SLC38A6: variants seen among roughly 807,000 people sequenced by gnomAD.
The protein encoded by SLC38A6 is solute carrier family 38 member 6, also known as N system amino acid transporter NAT-1.
SLC38A6 carries 73 observed loss-of-function variants against 65.0 expected under a neutral mutation model. The ratio of observed to expected loss-of-function variants is 1.12; its 90% CI spans 0.93 to 1.37. The LOEUF (loss-of-function observed/expected upper bound fraction) is 1.37. Ranked by LOEUF, SLC38A6 falls within the 40% of genes most tolerant of loss-of-function variation. The pLI is 0.00. For missense variants in SLC38A6, 561 were observed against 531.1 expected (o/e 1.06, Z -0.55); for synonymous variants, 183 against 178.8 (o/e 1.02, Z -0.19).
At chr14:60,991,717 TA>T (rs2037903984) in intron 3 of SLC38A6, among the ~76,000 whole-genome samples, 1 of 152,212 alleles carries the variant, frequency 6.6e-6, no homozygotes, top group Admixed American at 6.5e-5. Context: ...GAGGTCTTTT[TA>T]TACAATCTCA....
intron 15 of SLC38A6, among the ~76,000 whole-genome samples, chr14:61,072,540 C>G (rs565871782): frequency 6.6e-6 from 1 of 152,308 alleles, no homozygotes; most frequent in South Asian, 2.1e-4. Context: ...CAACCCTTGT[C>G]AGCCTCTGGT....
chr14:61,001,899 T>G (rs552102645), intron 3 of SLC38A6: 1 of 152,340 alleles, frequency 6.6e-6, no homozygotes, highest in Non-Finnish European at 1.5e-5. Context: ...GCCTTTATTA[T>G]ACTAGCGCTT....
chr14:61,075,823 G>GTGTGTGTGTGTGTA (rs2043390509), intron 15 of SLC38A6, among the ~76,000 whole-genome samples: 3 of 143,132 alleles, frequency 2.1e-5, no homozygotes, highest in Non-Finnish European at 4.6e-5. Flanking sequence ...GTGTGTGTGT[G>GTGTGTGTGTGTGTA]TGTGTGTGTA....
chr14:60,981,573 G>A (rs1012685904), intron 1 of SLC38A6, 191 bp downstream of exon 1: 77 of 1,523,822 alleles, frequency 5.1e-5, no homozygotes, highest in Non-Finnish European at 6.6e-5. Context: ...CGTGATAGCA[G>A]CCTAGCATAC....
At chr14:61,000,172 A>T (rs181856145) in intron 3 of SLC38A6, among the ~76,000 whole-genome samples, 87 of 152,362 alleles carry the variant, frequency 5.7e-4, no homozygotes, top group East Asian at 5.0e-3. Flanking sequence ...TCAAACCATT[A>T]ACCAATGTTT....
intron 6 of SLC38A6, among the ~76,000 whole-genome samples, chr14:61,035,200 T>C (rs565178663): frequency 1.3e-5 from 2 of 152,294 alleles, no homozygotes; most frequent in East Asian, 3.9e-4. Context: ...GTGTATACAC[T>C]TAAGTGTAAA....
At chr14:61,053,644 C>T (rs528716348), downstream of SLC38A6, among the ~76,000 whole-genome samples, 2 of 152,172 alleles carry the variant, frequency 1.3e-5, no homozygotes, top group East Asian at 3.9e-4. Context: ...ATCAGTGCTA[C>T]TGAGCTTTCT....
chr14:61,050,569 T>C lies in SLC38A6; in HGVS notation c.983T>C (p.Val328Ala), dbSNP rs2042450146. 3 of 1,596,634 alleles carry C rather than the reference T, an allele frequency of 1.9e-6. No individual in the cohort carries two copies. In the South Asian group the frequency reaches 3.4e-5, roughly 18 times the overall value. The change falls in exon 13 of 16, where the codon GTT becomes GCT. Residue 328 changes from valine (V) to alanine (A), a missense_variant. Coordinates refer to ENST00000267488, the MANE Select transcript of SLC38A6 (RefSeq NM_153811.3). ...AGTAAATACTTATCACATGATGTTG[T>C]TGTCATGACTGTGAAGTTATGCATA... ...GYSKYLSHDV[V>A]VMTVKLCILF...
chr14:61,068,955 T>C (rs1277175561), intron 15 of SLC38A6, among the ~76,000 whole-genome samples: 2 of 152,198 alleles, frequency 1.3e-5, no homozygotes, highest in Admixed American at 1.3e-4. Context: ...GCTTTTATGC[T>C]GACCCAGCCT....
At chr14:61,009,798 T>C (rs2039419460) in intron 3 of SLC38A6, among the ~76,000 whole-genome samples, 1 of 152,262 alleles carries the variant, frequency 6.6e-6, no homozygotes, top group Non-Finnish European at 1.5e-5. Flanking sequence ...ACATTTAGGT[T>C]GGTTCCAAGT....
chr14:60,994,638 A>T (rs1383059428), intron 3 of SLC38A6, among the ~76,000 whole-genome samples: 1 of 151,376 alleles, frequency 6.6e-6, no homozygotes, highest in African/African-American at 2.4e-5. Context: ...CCGGAGGCGG[A>T]GACTGCAGTG....
chr14:61,061,430 A>G (rs373715935), intron 15 of SLC38A6, among the ~76,000 whole-genome samples: 12 of 152,284 alleles, frequency 7.9e-5, no homozygotes, highest in Admixed American at 5.2e-4. Context: ...TTTTAGTATC[A>G]AGGTGATGCT....
At position 60,981,369 on chromosome 14, in the gene SLC38A6, C is replaced by T. The variant is rs747978137; in HGVS notation, c.92C>T (p.Pro31Leu). The T allele has an allele frequency of 5.0e-6, 8 of 1,602,432 alleles. No homozygotes were observed. In the African/African-American group the frequency reaches 1.1e-4, roughly 21 times the overall value. ...PEEAEAEELS[P>L]LLSNELHRQR... ...GAAGCGGAGGCCGAAGAGTTGAGTC[C>T]GTTGCTAAGCAACGTAAGTGGGCTG... The change falls in exon 1 of 16, where the codon CCG becomes CTG. Residue 31 changes from proline to leucine, a missense_variant. Pro to Leu is a moderately conservative substitution (Grantham distance 98, BLOSUM62 -3). Transcript: ENST00000267488.
At chr14:61,075,824 TGTGTG>T (rs2043391172) in intron 15 of SLC38A6, among the ~76,000 whole-genome samples, 1 of 144,084 alleles carries the variant, frequency 6.9e-6, no homozygotes, top group East Asian at 2.0e-4. Flanking sequence ...TGTGTGTGTG[TGTGTG>T]TGTATGTATT....
At chr14:60,993,036 C>G (rs1445370383) in intron 3 of SLC38A6, among the ~76,000 whole-genome samples, 1 of 151,994 alleles carries the variant, frequency 6.6e-6, no homozygotes, top group Non-Finnish European at 1.5e-5. Flanking sequence ...TTAGTAGAGA[C>G]GGGGTTTTAC....
chr14:61,083,560 G>A, exon 17 of SLC38A6: 2 of 1,549,934 alleles, frequency 1.3e-6, no homozygotes, highest in South Asian at 2.4e-5. Flanking sequence ...AAAAGGAAGA[G>A]ATACCATGGA....
exon 17 of SLC38A6, chr14:61,083,589 A>C: frequency 6.4e-7 from 1 of 1,550,542 alleles, no homozygotes. Context: ...CCCAGAGGAA[A>C]GGCCACGCAA....
intron 15 of SLC38A6, among the ~76,000 whole-genome samples, chr14:61,063,466 G>A (rs1412848502): frequency 6.6e-6 from 1 of 152,128 alleles, no homozygotes; most frequent in Non-Finnish European, 1.5e-5. Flanking sequence ...GCTTCTCATT[G>A]ACATGGCTTA....
At chr14:61,035,728 A>T (rs1206931500) in intron 6 of SLC38A6, among the ~76,000 whole-genome samples, 1 of 151,996 alleles carries the variant, frequency 6.6e-6, no homozygotes, top group Non-Finnish European at 1.5e-5. Context: ...CAGTGATTGG[A>T]TTTTCTTCAT....
Sources: allele counts gnomAD v4.1 joint callset (sites outside exome capture counted in the v4.1 genomes callset), GRCh38; gene constraint gnomAD v4.1.1; transcripts MANE v1.5; gene names NCBI Gene and HGNC (gene_info 2026-07-23, HGNC 2026-07-21).